The following FMN2 variants were observed in gnomAD, a reference collection of about 807,000 sequenced individuals.
FMN2 encodes formin 2, also known as formin-2.
Under a neutral mutation model 142.3 loss-of-function variants are expected in FMN2, and 51 were observed. The observed-to-expected ratio is 0.36, with a 90% CI of 0.29 to 0.45. FMN2 has a LOEUF of 0.45. FMN2 is among the 20% of genes least tolerant of loss of function. The pLI, the probability that FMN2 is intolerant of heterozygous loss-of-function variation, is 1.00. For synonymous variants in FMN2, 882 were observed against 869.8 expected (o/e 1.01, Z -0.25); for missense variants, 1,936 against 2,122.8 (o/e 0.91, Z 1.73).
rs1415609937 is a variant in FMN2, at chr1:240,382,740, AT to A, written c.4859-9770del. 3.3e-5 allele frequency among the ~76,000 whole-genome samples: 5 copies of A among 152,280 alleles called. No individual in the cohort carries two copies. The East Asian group carries it at 9.7e-4, about 29-fold the overall frequency. On this transcript the variant is annotated intron_variant, in intron 14 of 17. Transcript: ENST00000319653. ...GTGCAATTCCTATCAAATTACCGAC[AT>A]CATTTTTCACAGAAAAAACAATCCT... is the stretch of plus-strand genomic sequence containing the variant.
At chr1:240,201,765 G>A (rs146198383) in intron 4 of FMN2, among the ~76,000 whole-genome samples, 1 of 152,002 alleles carries the variant, frequency 6.6e-6, no homozygotes, top group African/African-American at 2.4e-5. Flanking sequence ...TTATTCTGAA[G>A]TATTGGTACC....
intron 1 of FMN2, among the ~76,000 whole-genome samples, chr1:240,098,523 C>A (rs1661302501): frequency 6.6e-6 from 1 of 151,984 alleles, no homozygotes; most frequent in Non-Finnish European, 1.5e-5. Flanking sequence ...GTATAGATGT[C>A]CAGTTAATGT....
chr1:240,201,001 C>T (rs1666102295), intron 4 of FMN2, among the ~76,000 whole-genome samples: 1 of 152,126 alleles, frequency 6.6e-6, no homozygotes, highest in Admixed American at 6.5e-5. Context: ...CTTCCTCTGC[C>T]ATTTGTTAGC....
At chr1:240,419,577 C>G (rs1674696333) in intron 15 of FMN2, among the ~76,000 whole-genome samples, 1 of 152,180 alleles carries the variant, frequency 6.6e-6, no homozygotes, top group African/African-American at 2.4e-5. Context: ...CATGTGGAAG[C>G]TGTGGGTCTC....
At position 240,279,583 on chromosome 1, in the gene FMN2, C is replaced by T. The variant is rs76489506; in HGVS notation, c.4154-15239C>T. On this transcript the variant is annotated intron_variant, in intron 7 of 17. Coordinates refer to ENST00000319653, the MANE Select transcript of FMN2 (RefSeq NM_020066.5). The stretch of plus-strand genomic sequence containing the variant: ...GTCACCTCTGGAACTTTAATTAGAA[C>T]TCAAAAATGTGAGTGGAGGAATTAG... Among the ~76,000 whole-genome samples the T allele has an allele frequency of 2.8e-3, 425 of 152,248 alleles. 13 individuals are homozygous for T. In the East Asian group the frequency reaches 0.076, roughly 27 times the overall value.
At chr1:240,372,871 T>C (rs1672918697) in intron 14 of FMN2, among the ~76,000 whole-genome samples, 2 of 152,166 alleles carry the variant, frequency 1.3e-5, no homozygotes, top group African/African-American at 2.4e-5. Context: ...CGTACATACC[T>C]TAATTTAAAA....
intron 1 of FMN2, among the ~76,000 whole-genome samples, chr1:240,106,428 T>TA (rs1288380797): frequency 6.6e-6 from 1 of 152,222 alleles, no homozygotes; most frequent in Admixed American, 6.5e-5. Context: ...TTTATATAGA[T>TA]ACGGGAATAG....
chr1:240,274,393 C>T (rs531575612), intron 7 of FMN2, among the ~76,000 whole-genome samples: 2 of 152,100 alleles, frequency 1.3e-5, no homozygotes, highest in South Asian at 4.1e-4. Flanking sequence ...TGCAAGGATC[C>T]TGGGGTGACT....
intron 14 of FMN2, among the ~76,000 whole-genome samples, chr1:240,369,378 A>G (rs1672788681): frequency 6.6e-6 from 1 of 152,018 alleles, no homozygotes; most frequent in Non-Finnish European, 1.5e-5. Flanking sequence ...GTTTCATTTT[A>G]TATTGTCTGT....
chr1:240,383,749 C>T (rs761369730), intron 14 of FMN2, among the ~76,000 whole-genome samples: 4 of 151,868 alleles, frequency 2.6e-5, no homozygotes, highest in African/African-American at 9.7e-5. Context: ...TGGTATCTAC[C>T]CAAAAGAGAA....
At chr1:240,197,627 C>T (rs533651984) in intron 4 of FMN2, among the ~76,000 whole-genome samples, 7 of 152,156 alleles carry the variant, frequency 4.6e-5, no homozygotes, top group South Asian at 4.2e-4. Flanking sequence ...GCTGGAGGGA[C>T]GAAATCTTTG....
chr1:240,333,783 T>G lies in FMN2; in HGVS notation c.4585-104T>G, dbSNP rs549472466. 9.0e-5 allele frequency: 73 copies of G among 810,576 alleles called. No individual in the cohort carries two copies. In the African/African-American group the frequency reaches 1.2e-3, roughly 14 times the overall value. 50.2% of individuals were successfully genotyped at this position (810,576 alleles called of 1,614,324 possible). A position where few individuals can be genotyped will look rare whatever the true frequency, so the allele number is the denominator to read the frequency against. On this transcript the variant is annotated intron_variant, in intron 11 of 17. Transcript: ENST00000319653. ...GTAAAATTTCACATTTCATTCCAAA[T>G]GTTCTCATGTATATACATGAATTCA...
chr1:240,225,967 G>A (rs1667283313), intron 6 of FMN2, among the ~76,000 whole-genome samples: 1 of 152,120 alleles, frequency 6.6e-6, no homozygotes, highest in East Asian at 1.9e-4. Flanking sequence ...ATAATCAGCA[G>A]ACTTGAACAT....
intron 11 of FMN2, among the ~76,000 whole-genome samples, chr1:240,332,336 G>A (rs991510222): frequency 2.0e-5 from 3 of 150,138 alleles, no homozygotes; most frequent in African/African-American, 4.9e-5. Flanking sequence ...ACTTTTCAAG[G>A]CCAACCTGGG....
intron 13 of FMN2, among the ~76,000 whole-genome samples, chr1:240,341,710 TC>T (rs1183796410): frequency 1.1e-4 from 17 of 152,298 alleles, no homozygotes; most frequent in African/African-American, 4.1e-4. Flanking sequence ...TGATTTTTTT[TC>T]AATTGCTTTA....
intron 1 of FMN2, among the ~76,000 whole-genome samples, chr1:240,097,137 C>CT (rs139833579): frequency 3.3e-5 from 5 of 151,122 alleles, no homozygotes; most frequent in African/African-American, 1.2e-4. Context: ...ATGTGCTTAT[C>CT]TTTTTTTTTA....
chr1:240,329,272 G>C (rs1217540318), intron 9 of FMN2, 67 bp from the exon 10 acceptor site: 1 of 1,597,300 alleles, frequency 6.3e-7, no homozygotes, highest in Non-Finnish European at 8.6e-7. Flanking sequence ...TGTTGTGAAT[G>C]AGATGAGGAT....
chr1:240,322,126 A>C lies in FMN2; in HGVS notation c.4216-6950A>C, dbSNP rs143281733. Among the ~76,000 whole-genome samples the C allele has an allele frequency of 9.6e-4, 146 of 152,252 alleles. 1 individual carries two copies. In the East Asian group the frequency reaches 0.023, roughly 24 times the overall value. ...CGATTTTATATAAAGCTAATATAAA[A>C]ATTTTGAGTCAAAATTCAAAATATG... is the stretch of plus-strand genomic sequence containing the variant. On this transcript the variant is annotated intron_variant, in intron 8 of 17. Transcript: ENST00000319653.
chr1:240,309,022 G>A (rs1670507958), intron 8 of FMN2, among the ~76,000 whole-genome samples: 1 of 152,180 alleles, frequency 6.6e-6, no homozygotes, highest in African/African-American at 2.4e-5. Context: ...AGAAGGTGGA[G>A]AGTGAGGGTA....
Sources: allele counts gnomAD v4.1 joint callset (sites outside exome capture counted in the v4.1 genomes callset), GRCh38; gene constraint gnomAD v4.1.1; transcripts MANE v1.5; gene names NCBI Gene and HGNC (gene_info 2026-07-23, HGNC 2026-07-21).